The following ULK4 variants were observed in gnomAD, a reference collection of about 807,000 sequenced individuals.
ULK4 encodes unc-51 like kinase 4, also known as inactive serine/threonine-protein kinase ULK4.
In ULK4, 133 loss-of-function variants were observed where a neutral mutation model predicts 160.6. That is an observed-to-expected ratio of 0.83 (90% confidence interval 0.72 to 0.96). The LOEUF (loss-of-function observed/expected upper bound fraction) is 0.96. ULK4 is among the 40% of genes least tolerant of loss of function. The pLI is 0.00. For missense variants in ULK4, 1,580 were observed against 1,499.5 expected (o/e 1.05, Z -0.89); for synonymous variants, 534 against 539.8 (o/e 0.99, Z 0.15).
intron 34 of ULK4, among the ~76,000 whole-genome samples, chr3:41,445,110 A>G (rs769180469): frequency 1.3e-5 from 2 of 152,166 alleles, no homozygotes; most frequent in Non-Finnish European, 2.9e-5. Context: ...TCAGGAGTGA[A>G]CTCCCATTCA....
chr3:41,904,526 A>G (rs1387713855), intron 12 of ULK4, among the ~76,000 whole-genome samples: 1 of 152,218 alleles, frequency 6.6e-6, no homozygotes, highest in East Asian at 1.9e-4. Flanking sequence ...CAATAGAATG[A>G]TTATATACTC....
At chr3:41,621,324 A>G (rs2033235622) in intron 30 of ULK4, among the ~76,000 whole-genome samples, 1 of 152,228 alleles carries the variant, frequency 6.6e-6, no homozygotes, top group Non-Finnish European at 1.5e-5. Context: ...CTAAGCAAAA[A>G]GAACAAAGCT....
intron 21 of ULK4, among the ~76,000 whole-genome samples, chr3:41,775,914 A>T (rs573997796): frequency 6.6e-6 from 1 of 151,090 alleles, no homozygotes; most frequent in South Asian, 2.1e-4. Context: ...TAATTATCCA[A>T]TCTCTTGTTG....
At chr3:41,911,763 A>AT in intron 9 of ULK4, 104 bp from the exon 10 acceptor site, 1 of 846,268 alleles carries the variant, frequency 1.2e-6, no homozygotes, top group Non-Finnish European at 1.9e-6. Flanking sequence ...TACACATGAC[A>AT]TTTAGCAAAG....
At chr3:41,903,012 T>C (rs1436763835) in intron 12 of ULK4, among the ~76,000 whole-genome samples, 4 of 152,052 alleles carry the variant, frequency 2.6e-5, no homozygotes, top group Non-Finnish European at 5.9e-5. Context: ...AATGGAGAAC[T>C]GAGGGGACCA....
chr3:41,530,643 G>C (rs936234661), intron 32 of ULK4, among the ~76,000 whole-genome samples: 2 of 152,152 alleles, frequency 1.3e-5, no homozygotes, highest in Non-Finnish European at 2.9e-5. Flanking sequence ...CAATATAACA[G>C]ATAATTTTTG....
rs558385648 is a variant in ULK4, at chr3:41,594,499, C to G, written c.3120+21170G>C. Among the ~76,000 whole-genome samples, 65 of 152,180 alleles carry G rather than the reference C, an allele frequency of 4.3e-4. 1 individual carries two copies. In the South Asian group the frequency reaches 9.6e-3, roughly 22 times the overall value. On this transcript the variant is annotated intron_variant, in intron 31 of 36. Transcript: ENST00000301831. ...GCAGCAGTGAGCTATGATCACACCA[C>G]TGAAGTCCAGCCTGGATGACAGAAT...
At chr3:41,955,215 G>C (rs1247373234) in intron 1 of ULK4, among the ~76,000 whole-genome samples, 4 of 152,160 alleles carry the variant, frequency 2.6e-5, no homozygotes, top group Admixed American at 2.6e-4. Flanking sequence ...GCTTGAACCC[G>C]GGAGGCGGAG....
intron 35 of ULK4, among the ~76,000 whole-genome samples, chr3:41,304,382 T>C (rs1329026420): frequency 1.3e-5 from 2 of 151,666 alleles, no homozygotes; most frequent in Non-Finnish European, 2.9e-5. Flanking sequence ...CCACTGAGTA[T>C]CTCCAAGACA....
At chr3:41,301,800 C>T (rs1044705890) in intron 35 of ULK4, among the ~76,000 whole-genome samples, 3 of 152,130 alleles carry the variant, frequency 2.0e-5, no homozygotes, top group Non-Finnish European at 4.4e-5. Context: ...ATAAGTGAGT[C>T]ATTACTCTTG....
chr3:41,325,570 T>C (rs2080324143), intron 35 of ULK4, among the ~76,000 whole-genome samples: 1 of 152,180 alleles, frequency 6.6e-6, no homozygotes, highest in African/African-American at 2.4e-5. Flanking sequence ...GAAAAGTTTA[T>C]GACACTGAAG....
At chr3:41,354,933 G>A (rs2080998425) in intron 35 of ULK4, among the ~76,000 whole-genome samples, 1 of 152,146 alleles carries the variant, frequency 6.6e-6, no homozygotes, top group Admixed American at 6.5e-5. Flanking sequence ...TCCCTCTAGT[G>A]ATGGCTATCT....
intron 31 of ULK4, among the ~76,000 whole-genome samples, chr3:41,572,498 C>T (rs1414284547): frequency 2.6e-5 from 4 of 151,906 alleles, no homozygotes; most frequent in African/African-American, 4.8e-5. Flanking sequence ...ATAACCCACA[C>T]GCCTGTAATC....
Position 41,900,706 on chromosome 3 carries a change from TTA to T in ULK4, c.1287+17_1287+18del. ...CTCAGTAAAGTCTACAACTCAGTTG[TTA>T]GAGTGTCTTTCTGCACCTTTGGATT... On this transcript the variant is annotated intron_variant, in intron 13 of 36. Transcript: ENST00000301831. The T allele has an allele frequency of 2.5e-6, 4 of 1,588,152 alleles. No homozygotes were observed. Among genetic ancestry groups the T allele is most frequent in the Non-Finnish European group, 3.5e-6 (4 of 1,158,426 alleles).
At chr3:41,615,800 C>A in intron 30 of ULK4, 83 bp from the exon 31 acceptor site, 1 of 1,249,842 alleles carries the variant, frequency 8.0e-7, no homozygotes, top group Non-Finnish European at 1.1e-6. Context: ...CACCTCAGCC[C>A]CCATGTTTTA....
At chr3:41,772,066 A>G (rs1373720791) in intron 21 of ULK4, among the ~76,000 whole-genome samples, 2 of 152,212 alleles carry the variant, frequency 1.3e-5, no homozygotes, top group Non-Finnish European at 2.9e-5. Context: ...GGACACATTT[A>G]AAGCACTGTG....
At chr3:41,621,233 T>C (rs1243322337) in intron 30 of ULK4, among the ~76,000 whole-genome samples, 1 of 152,118 alleles carries the variant, frequency 6.6e-6, no homozygotes, top group Admixed American at 6.6e-5. Context: ...CAAGCTACCA[T>C]TGACTTTCTT....
At chr3:41,847,055 A>C (rs960086579) in intron 17 of ULK4, among the ~76,000 whole-genome samples, 2 of 152,212 alleles carry the variant, frequency 1.3e-5, no homozygotes, top group Non-Finnish European at 2.9e-5. Flanking sequence ...ATAGTAATTT[A>C]AGACTGTACT....
intron 2 of ULK4, among the ~76,000 whole-genome samples, chr3:41,953,273 TAC>T (rs1165312685): frequency 1.9e-3 from 164 of 84,324 alleles, no homozygotes; most frequent in African/African-American, 2.5e-3. Flanking sequence ...TACACATATA[TAC>T]ATATATACAC....
Sources: gnomAD v4.1 joint callset for allele counts (sites outside exome capture counted in the v4.1 genomes callset) on GRCh38, gnomAD v4.1.1 for gene constraint, MANE v1.5 for transcripts, NCBI Gene and HGNC (gene_info 2026-07-23, HGNC 2026-07-21) for gene names.